Variants in VAC14 observed in about 807,000 individuals in gnomAD.
The protein encoded by VAC14 is VAC14 component of PIKFYVE complex.
In VAC14, 47 loss-of-function variants were observed where a neutral mutation model predicts 85.3. That is an observed-to-expected ratio of 0.55 (90% CI 0.44 to 0.70). The LOEUF (loss-of-function observed/expected upper bound fraction) is 0.70. Ranked by LOEUF, VAC14 falls within the 30% of genes least tolerant of loss-of-function variation. The pLI is 0.00. For synonymous variants in VAC14, 447 were observed against 430.5 expected (o/e 1.04, Z -0.47); for missense variants, 861 against 1,004.3 (o/e 0.86, Z 1.93).
intron 1 of VAC14, among the ~76,000 whole-genome samples, chr16:70,791,065 C>T (rs1267276044): frequency 1.3e-5 from 2 of 152,204 alleles, no homozygotes; most frequent in Admixed American, 6.5e-5. Context: ...CAGGGCCAGG[C>T]CGACCTCTGA....
chr16:70,745,518 T>C (rs57760486), intron 12 of VAC14, among the ~76,000 whole-genome samples: 20,052 of 141,068 alleles, frequency 0.14, 1,434 homozygotes, highest in Middle Eastern at 0.21. Context: ...TGTGTGTGTG[T>C]GCGCGTGTGC....
chr16:70,696,618 G>A (rs756968613), intron 16 of VAC14, among the ~76,000 whole-genome samples: 3 of 152,216 alleles, frequency 2.0e-5, no homozygotes, highest in Non-Finnish European at 4.4e-5. Context: ...CTTCTCCCCA[G>A]TGTGTCATCC....
intron 12 of VAC14, among the ~76,000 whole-genome samples, chr16:70,745,516 T>C (rs146079526): frequency 0.11 from 15,137 of 141,930 alleles, 870 homozygotes; most frequent in Middle Eastern, 0.18. Context: ...TGTGTGTGTG[T>C]GTGCGCGTGT....
chr16:70,701,375 C>A (rs1449137361), intron 14 of VAC14, among the ~76,000 whole-genome samples: 1 of 152,160 alleles, frequency 6.6e-6, no homozygotes, highest in Non-Finnish European at 1.5e-5. Context: ...CATAGACTTG[C>A]CAACCCCCTC....
chr16:70,775,928 G>A (rs1055133480), intron 9 of VAC14, among the ~76,000 whole-genome samples: 35 of 152,054 alleles, frequency 2.3e-4, no homozygotes, highest in Non-Finnish European at 1.5e-5. Context: ...TGTCCTTTAG[G>A]TTCTACCAAT....
At position 70,797,265 on chromosome 16, in the gene VAC14, G is replaced by A. The variant is rs147310728; in HGVS notation, c.104+3532C>T. Among the ~76,000 whole-genome samples the A allele has an allele frequency of 5.3e-4, 81 of 152,130 alleles. 1 individual carries two copies. The highest frequency in any genetic ancestry group is 1.9e-3 in the African/African-American group (77 of 41,474). On this transcript the variant is annotated intron_variant, in intron 1 of 18. Coordinates refer to ENST00000261776, the MANE Select transcript of VAC14 (RefSeq NM_018052.5). ...CCATCTTCAAAGCCAGTGATGATCCGGGTAAGTTTTCTTACATCACATCAC... is the reference window on the plus strand; with the variant it reads ...CCATCTTCAAAGCCAGTGATGATCCAGGTAAGTTTTCTTACATCACATCAC...
chr16:70,697,047 C>T, intron 16 of VAC14, 92 bp downstream of exon 16: 1 of 1,033,712 alleles, frequency 9.7e-7, no homozygotes, highest in Non-Finnish European at 1.5e-6. Context: ...AGGAGCATGG[C>T]ACTTGGGCCC....
At chr16:70,783,970 G>C (rs2033932999) in intron 5 of VAC14, 143 bp downstream of exon 5, 2 of 687,740 alleles carry the variant, frequency 2.9e-6, no homozygotes, top group Non-Finnish European at 2.5e-6. Flanking sequence ...AGCTGAATAA[G>C]GTGTTTTTGA....
At chr16:70,738,585 G>C (rs1021782223) in intron 13 of VAC14, among the ~76,000 whole-genome samples, 4 of 152,132 alleles carry the variant, frequency 2.6e-5, no homozygotes, top group Non-Finnish European at 4.4e-5. Context: ...CCCCCTGCTG[G>C]TGGAGCAGGG....
chr16:70,748,161 C>G (rs1170823461), intron 12 of VAC14, among the ~76,000 whole-genome samples: 1 of 152,238 alleles, frequency 6.6e-6, no homozygotes, highest in East Asian at 1.9e-4. Flanking sequence ...TAACACTACA[C>G]AGGGTGCTGT....
At chr16:70,689,086 C>T in intron 18 of VAC14, 1 of 985,442 alleles carries the variant, frequency 1.0e-6, no homozygotes, top group South Asian at 4.7e-5. Context: ...GGGGTGCAGG[C>T]ACTGGCAGAG....
intron 14 of VAC14, among the ~76,000 whole-genome samples, chr16:70,709,646 T>A (rs1265067947): frequency 6.6e-6 from 1 of 152,150 alleles, no homozygotes; most frequent in African/African-American, 2.4e-5. Context: ...GGACCCAAAC[T>A]CTGACCCAGC....
chr16:70,764,220 T>C (rs1363725371), intron 10 of VAC14, among the ~76,000 whole-genome samples: 2 of 152,168 alleles, frequency 1.3e-5, no homozygotes, highest in Non-Finnish European at 2.9e-5. Context: ...TGCTATTTAA[T>C]ATGGTTTGAT....
At chr16:70,755,523 G>T (rs2031766606) in intron 12 of VAC14, among the ~76,000 whole-genome samples, 1 of 152,198 alleles carries the variant, frequency 6.6e-6, no homozygotes, top group Non-Finnish European at 1.5e-5. Flanking sequence ...CTGACAGTGT[G>T]ACCTTAGGCA....
chr16:70,727,483 G>T (rs991317324), intron 14 of VAC14, among the ~76,000 whole-genome samples: 2 of 152,192 alleles, frequency 1.3e-5, no homozygotes, highest in East Asian at 3.8e-4. Context: ...GGGATTATAG[G>T]CATGTGCCAC....
At chr16:70,738,414 G>A (rs2029918064) in intron 13 of VAC14, among the ~76,000 whole-genome samples, 1 of 152,232 alleles carries the variant, frequency 6.6e-6, no homozygotes, top group South Asian at 2.1e-4. Context: ...GCTCAGGTCA[G>A]AGCGAGAGAG....
In VAC14 at chr16:70,799,152, C is replaced by T. The variant is rs185753853; in HGVS notation, c.104+1645G>A. Reference sequence around the variant, plus strand: ...CAGACGACTCAAGCTACAATAAAACCGGATATTCCTGAGAAGCAGAGTGGG... The same window carrying T: ...CAGACGACTCAAGCTACAATAAAACTGGATATTCCTGAGAAGCAGAGTGGG... On this transcript the variant is annotated intron_variant, in intron 1 of 18. Coordinates refer to ENST00000261776, the MANE Select transcript of VAC14 (RefSeq NM_018052.5). Among the ~76,000 whole-genome samples, 453 of 152,240 alleles carry T rather than the reference C, an allele frequency of 3.0e-3. 3 individuals carry two copies. Among genetic ancestry groups the T allele is most frequent in the Non-Finnish European group, 3.2e-3 (219 of 68,022 alleles).
intron 13 of VAC14, among the ~76,000 whole-genome samples, chr16:70,737,130 G>T (rs2054781598): frequency 6.6e-6 from 1 of 152,170 alleles, no homozygotes; most frequent in Non-Finnish European, 1.5e-5. Flanking sequence ...AGGAGAAATG[G>T]GCCCCTCAAG....
At chr16:70,700,362 A>G (rs980891582) in intron 14 of VAC14, 3 of 152,222 alleles carry the variant, frequency 2.0e-5, no homozygotes, top group South Asian at 2.1e-4. Context: ...CTCCCCGCGC[A>G]TGCCACCAGG....
Sources: allele counts gnomAD v4.1 joint callset (sites outside exome capture counted in the v4.1 genomes callset), GRCh38; gene constraint gnomAD v4.1.1; transcripts MANE v1.5; gene names NCBI Gene and HGNC (gene_info 2026-07-23, HGNC 2026-07-21).